The following TMTC1 variants were observed in gnomAD, a reference collection of about 807,000 sequenced individuals.
TMTC1 encodes the protein protein O-mannosyl-transferase TMTC1.
In TMTC1, 73 loss-of-function variants were observed where a neutral mutation model predicts 104.8. The observed-to-expected ratio is 0.70, with a 90% CI of 0.58 to 0.85. The LOEUF (loss-of-function observed/expected upper bound fraction) is 0.85, where lower values mean the gene tolerates loss of function less well. Ranked by LOEUF, TMTC1 falls within the 40% of genes least tolerant of loss-of-function variation. TMTC1 has a pLI of 0.00. For synonymous variants in TMTC1, 434 were observed against 428.7 expected (o/e 1.01, Z -0.15); for missense variants, 1,035 against 1,096.1 (o/e 0.94, Z 0.79).
intron 5 of TMTC1, among the ~76,000 whole-genome samples, chr12:29,714,690 C>T (rs888632626): frequency 5.3e-5 from 8 of 152,240 alleles, no homozygotes; most frequent in African/African-American, 1.9e-4. Context: ...AGTATAAGAA[C>T]CACAGCACTG....
rs764371354 is a variant in TMTC1 at position 29,783,651 on chromosome 12, G to A, written c.101C>T (p.Ala34Val). 73 of 1,402,002 alleles carry A rather than the reference G, an allele frequency of 5.2e-5. 1 individual carries two copies. In the South Asian group the frequency reaches 7.9e-4, roughly 15 times the overall value. 86.8% of individuals were successfully genotyped at this position (1,402,002 alleles called of 1,614,324 possible). ...LAPAGAAALL[A>V]GASCLCYGRS... is the part of the protein sequence containing the mutation. Reference sequence around the variant, plus strand: ...GCCGTAGCACAGGCAGCTTGCCCCGGCCAGCAGCGCCGCGGCCCCGGCCGG... The same window carrying A: ...GCCGTAGCACAGGCAGCTTGCCCCGACCAGCAGCGCCGCGGCCCCGGCCGG... The change falls in exon 1 of 18, where the codon GCC (alanine) becomes GTC (valine). Residue 34 changes from alanine to valine, a missense_variant. Ala to Val is a moderately conservative substitution (Grantham distance 64, BLOSUM62 0). Coordinates refer to ENST00000539277, the MANE Select transcript of TMTC1 (RefSeq NM_001193451.2). The surrounding 1 kb of genome is among the most constrained non-coding windows in gnomAD (Gnocchi z 4.7).
intron 5 of TMTC1, among the ~76,000 whole-genome samples, chr12:29,734,190 T>C (rs1384869274): frequency 6.6e-6 from 1 of 152,248 alleles, no homozygotes; most frequent in Non-Finnish European, 1.5e-5. Context: ...AATTCAATAC[T>C]GCCTTTTGTC....
rs577821965 is a variant in TMTC1 at position 29,508,146 on chromosome 12, A to T, written c.2509-1160T>A. 3.9e-5 allele frequency among the ~76,000 whole-genome samples: 6 copies of T among 152,292 alleles called. No individual in the cohort carries two copies. In the South Asian group the frequency reaches 1.2e-3, roughly 32 times the overall value. On this transcript the variant is annotated intron_variant, in intron 17 of 17. Transcript: ENST00000539277. ...ATTTCTTACTGTATTTACTGGTCAT[A>T]TTGGTGAAAAGGAAAGTGGAAATGA...
chr12:29,684,555 C>T (rs1301369099), intron 5 of TMTC1, among the ~76,000 whole-genome samples: 3 of 152,096 alleles, frequency 2.0e-5, no homozygotes, highest in Non-Finnish European at 4.4e-5. Context: ...TTAAGAAATA[C>T]CAGAACTAGG....
intron 5 of TMTC1, among the ~76,000 whole-genome samples, chr12:29,720,633 A>T (rs1022570882): frequency 3.3e-5 from 2 of 59,906 alleles, no homozygotes; most frequent in African/African-American, 1.2e-4. Flanking sequence ...AATGGACAAA[A>T]AGATAGAAAT....
At position 29,604,123 on chromosome 12, in the gene TMTC1, C is replaced by T. The variant is rs1470652227; in HGVS notation, c.1250+55G>A. The T allele has an allele frequency of 1.9e-6, 3 of 1,606,408 alleles. No individual in the cohort carries two copies. In the East Asian group the frequency reaches 6.7e-5, roughly 36 times the overall value. On this transcript the variant is annotated intron_variant, in intron 7 of 17. Transcript: ENST00000539277. ...CAGAAGACTGTCTCTCTGGAACTAT[C>T]AATGTTGGTGACAGAGGGCAGGTCT...
intron 5 of TMTC1, among the ~76,000 whole-genome samples, chr12:29,736,582 G>A (rs1409928566): frequency 6.6e-6 from 1 of 152,018 alleles, no homozygotes; most frequent in Admixed American, 6.6e-5. Context: ...ACCACGCCCG[G>A]CTAATTTTTG....
At chr12:29,703,160 G>C (rs1410637448) in intron 5 of TMTC1, among the ~76,000 whole-genome samples, 2 of 150,400 alleles carry the variant, frequency 1.3e-5, no homozygotes, top group Non-Finnish European at 3.0e-5. Flanking sequence ...AAAAAAAAAG[G>C]AACTGAAAAA....
chr12:29,665,120 C>T (rs369274962), intron 5 of TMTC1, among the ~76,000 whole-genome samples: 13 of 151,242 alleles, frequency 8.6e-5, no homozygotes, highest in African/African-American at 2.2e-4. Flanking sequence ...CCAAAACTGA[C>T]GAAGGAAAAA....
At chr12:29,642,461 A>T (rs1938896230) in intron 5 of TMTC1, among the ~76,000 whole-genome samples, 1 of 152,152 alleles carries the variant, frequency 6.6e-6, no homozygotes. Context: ...CAAAACAATT[A>T]TCAGTGAAGA....
intron 3 of TMTC1, among the ~76,000 whole-genome samples, chr12:29,757,657 T>C (rs1407412940): frequency 6.6e-6 from 1 of 152,078 alleles, no homozygotes; most frequent in Admixed American, 6.5e-5. Context: ...TATTAGTCTG[T>C]TTTCACGCTG....
chr12:29,587,227 G>T (rs1256840996), intron 7 of TMTC1, among the ~76,000 whole-genome samples: 1 of 152,148 alleles, frequency 6.6e-6, no homozygotes, highest in Non-Finnish European at 1.5e-5. Flanking sequence ...TTGCGTAGAG[G>T]TATTTATAGT....
intron 5 of TMTC1, among the ~76,000 whole-genome samples, chr12:29,689,141 T>C (rs1320859733): frequency 6.6e-6 from 1 of 152,136 alleles, no homozygotes; most frequent in Non-Finnish European, 1.5e-5. Flanking sequence ...AACAGAGAAC[T>C]TGAAGAAACT....
intron 5 of TMTC1, among the ~76,000 whole-genome samples, chr12:29,742,018 T>C (rs1942839925): frequency 6.6e-6 from 1 of 152,168 alleles, no homozygotes; most frequent in South Asian, 2.1e-4. Context: ...TGAATCATCA[T>C]TCCTTTCACA....
intron 6 of TMTC1, among the ~76,000 whole-genome samples, chr12:29,631,346 CCTTTT>C: frequency 6.6e-6 from 1 of 152,276 alleles, no homozygotes; most frequent in South Asian, 2.1e-4. Context: ...AAGATTTTCT[CCTTTT>C]CTTTTAGAAA....
chr12:29,572,455 A>G (rs1373337093), intron 8 of TMTC1, among the ~76,000 whole-genome samples: 1 of 152,218 alleles, frequency 6.6e-6, no homozygotes, highest in Non-Finnish European at 1.5e-5. Flanking sequence ...AAGCATGCTA[A>G]CTGTGTATGA....
intron 5 of TMTC1, among the ~76,000 whole-genome samples, chr12:29,687,455 C>T (rs901777169): frequency 6.6e-6 from 1 of 152,236 alleles, no homozygotes; most frequent in Non-Finnish European, 1.5e-5. Context: ...GACTGATAAA[C>T]TCTTCCAAAT....
At chr12:29,747,835 T>C (rs1376686191) in intron 5 of TMTC1, among the ~76,000 whole-genome samples, 1 of 152,136 alleles carries the variant, frequency 6.6e-6, no homozygotes, top group Non-Finnish European at 1.5e-5. Flanking sequence ...CATTTCACCC[T>C]TTGAGAGATG....
intron 4 of TMTC1, among the ~76,000 whole-genome samples, chr12:29,755,375 A>C (rs1232537621): frequency 6.6e-6 from 1 of 152,190 alleles, no homozygotes; most frequent in Non-Finnish European, 1.5e-5. Flanking sequence ...ACCATTTGCA[A>C]TCACTATTTT....
Sources: allele counts gnomAD v4.1 joint callset (sites outside exome capture counted in the v4.1 genomes callset), GRCh38; gene constraint gnomAD v4.1.1; non-coding constraint Gnocchi (gnomAD v3.1); transcripts MANE v1.5; gene names NCBI Gene and HGNC (gene_info 2026-07-23, HGNC 2026-07-21).